The following FANCA variants were observed in gnomAD, a reference collection of about 807,000 sequenced individuals.
FANCA encodes the protein FA complementation group A, also known as Fanconi anemia group A protein.
In FANCA, 236 loss-of-function variants were observed where a neutral mutation model predicts 194.3. The observed-to-expected ratio is 1.21, with a 90% confidence interval of 1.09 to 1.35. FANCA has a LOEUF of 1.35. FANCA is among the 40% of genes most tolerant of loss of function. FANCA has a pLI of 0.00. For missense variants in FANCA, 2,628 were observed against 1,813.9 expected (o/e 1.45, Z -8.15); for synonymous variants, 1,014 against 715.8 (o/e 1.42, Z -6.65).
rs535123370 is a variant in FANCA, at chr16:89,782,366, G to A, written c.1626+493C>T. Among the ~76,000 whole-genome samples the A allele has an allele frequency of 3.3e-5, 5 of 151,968 alleles. No homozygotes were observed. In the South Asian group the frequency reaches 1.0e-3, roughly 32 times the overall value. On this transcript the variant is annotated intron_variant, in intron 17 of 42. Coordinates refer to ENST00000389301, the MANE Select transcript of FANCA (RefSeq NM_000135.4). ...CTCTATTAAAAATACAAAAAAATTAGCCAGGCGTGGTGGCGGCTCCTGTAG... is the reference window on the plus strand; with the variant it reads ...CTCTATTAAAAATACAAAAAAATTAACCAGGCGTGGTGGCGGCTCCTGTAG...
rs145218591 is a variant in FANCA at position 89,796,823 on chromosome 16, C to G, written c.894-805G>C. ...AGATCACAAGGTCAGGAGATCAAGA[C>G]TACCCTGGCTAACATGGTGAAACCC... On this transcript the variant is annotated intron_variant, in intron 10 of 42. Coordinates refer to ENST00000389301, the MANE Select transcript of FANCA (RefSeq NM_000135.4). 3.2e-3 allele frequency among the ~76,000 whole-genome samples: 484 copies of G among 151,832 alleles called. 5 individuals carry two copies. Among genetic ancestry groups the G allele is most frequent in the African/African-American group, 0.011 (444 of 41,372 alleles).
chr16:89,805,355 T>G lies in FANCA; in HGVS notation c.634A>C (p.Arg212=), dbSNP rs754839730. The G allele has an allele frequency of 1.7e-5, 28 of 1,613,860 alleles. No homozygotes were observed. The African/African-American group carries it at 3.6e-4, about 21-fold the overall frequency. The change falls in exon 7 of 43, where the codon AGG becomes CGG. Residue 212 remains arginine, a synonymous_variant. Coordinates refer to ENST00000389301, the MANE Select transcript of FANCA (RefSeq NM_000135.4). ...DMHAVGSWLF[R]NLCCLCEQME... ...TGTTCACAAAGGCAGCACAGATTCCTGAAGAGCCACGATCCCACAGCATGC... is the reference window on the plus strand; with the variant it reads ...TGTTCACAAAGGCAGCACAGATTCCGGAAGAGCCACGATCCCACAGCATGC...
intron 20 of FANCA, 112 bp from the exon 21 acceptor site, chr16:89,775,927 A>G: frequency 3.1e-6 from 2 of 640,158 alleles, no homozygotes; most frequent in Non-Finnish European, 5.3e-6. Context: ...AATAAATTAT[A>G]AATACTGTGT....
At position 89,792,489 on chromosome 16, in the gene FANCA, G is replaced by C; in HGVS notation, c.1065C>G (p.Leu355=). 1 of 1,613,426 alleles carries C rather than the reference G, an allele frequency of 6.2e-7. No homozygotes were observed. The highest frequency in any genetic ancestry group is 8.5e-7 in the Non-Finnish European group (1 of 1,180,000). Residue 355 remains leucine (L), a synonymous_variant, in exon 12 of 43, where the codon CTC becomes CTG. Transcript: ENST00000389301. ...CACTCACCCTGCGGTACAGTGAGGT[G>C]AGCAGAGGGTGTGTCCGCGCAAAGC... is the stretch of plus-strand genomic sequence containing the variant. ...EWSFARTHPL[L]TSLYRRLFVM...
chr16:89,816,055 AG>A (rs1268219424), intron 1 of FANCA, 69 bp from the exon 2 acceptor site: 1 of 1,203,026 alleles, frequency 8.3e-7, no homozygotes, highest in Non-Finnish European at 1.2e-6. Context: ...CCCGACGCGC[AG>A]GTGGACGCCG....
Position 89,737,967 on chromosome 16 carries a change from G to C in FANCA, c.*634C>G, listed in dbSNP as rs1311274808. 3 of 1,614,098 alleles carry C rather than the reference G, an allele frequency of 1.9e-6. No homozygotes were observed. The highest frequency in any genetic ancestry group is 2.5e-6 in the Non-Finnish European group (3 of 1,179,990). ...CCCTCGCACCTTCTTATCTGCCTCT[G>C]TCCCCCAGGTGTGAGGTCTGTGGGT... On this transcript the variant is annotated 3_prime_UTR_variant, in exon 43 of 43. Transcript: ENST00000389301.
chr16:89,769,009 G>A (rs1488401514), intron 26 of FANCA, among the ~76,000 whole-genome samples: 1 of 152,186 alleles, frequency 6.6e-6, no homozygotes, highest in Non-Finnish European at 1.5e-5. Flanking sequence ...CCGAGTGCCT[G>A]CTCCCCGAGG....
intron 31 of FANCA, among the ~76,000 whole-genome samples, chr16:89,751,066 T>C (rs2143152829): frequency 1.3e-5 from 2 of 152,276 alleles, no homozygotes; most frequent in Non-Finnish European, 2.9e-5. Flanking sequence ...TAGTGTTTTG[T>C]ATTTTTAGTA....
At chr16:89,741,811 A>G (rs1049256613) in intron 37 of FANCA, among the ~76,000 whole-genome samples, 6 of 152,202 alleles carry the variant, frequency 3.9e-5, no homozygotes, top group Non-Finnish European at 8.8e-5. Flanking sequence ...CCCTCAGCAC[A>G]TGAATCAAGG....
In FANCA at chr16:89,739,215, A is replaced by T. The variant is rs745688750; in HGVS notation, c.4085T>A (p.Leu1362Ter). The change falls in exon 41 of 43, where the codon TTG becomes TAG. Residue 1362 changes from leucine to a stop codon, truncating the protein, a stop_gained. Coordinates refer to ENST00000389301, the MANE Select transcript of FANCA (RefSeq NM_000135.4). LOFTEE classifies it high-confidence loss of function. ...AGCCACGAAGAGCTGGACCAGCTTC[A>T]AGTACATGTCCACAGCAACATGCAG... The part of the protein sequence containing the change: ...AFLHVAVDMY[L>*]KLVQLFVAGD... The T allele has an allele frequency of 3.7e-6, 6 of 1,614,152 alleles. No individual in the cohort carries two copies. The South Asian group carries it at 6.6e-5, about 18-fold the overall frequency.
chr16:89,779,072 C>T (rs55920531), intron 18 of FANCA, 69 bp from the exon 19 acceptor site: 32 of 1,491,554 alleles, frequency 2.1e-5, no homozygotes, highest in Middle Eastern at 4.7e-4. Context: ...AGACGGTGAC[C>T]GGTGTTTCAG....
At position 89,778,783 on chromosome 16, in the gene FANCA, C is replaced by A. The variant is rs745799031; in HGVS notation, c.1826+18G>T. 2 of 1,612,626 alleles carry A rather than the reference C, an allele frequency of 1.2e-6. No individual in the cohort carries two copies. Among genetic ancestry groups the A allele is most frequent in the Non-Finnish European group, 1.7e-6 (2 of 1,178,722 alleles). On this transcript the variant is annotated intron_variant, in intron 20 of 42. Coordinates refer to ENST00000389301, the MANE Select transcript of FANCA (RefSeq NM_000135.4). ...GAAACCTGGAAGTAGTCATCCCCTT[C>A]TAACCGTTGCTGCATACCTCTTCAG...
At chr16:89,790,053 G>A (rs1182820390) in intron 14 of FANCA, among the ~76,000 whole-genome samples, 1 of 152,200 alleles carries the variant, frequency 6.6e-6, no homozygotes, top group Non-Finnish European at 1.5e-5. Context: ...GAAAAAGGAA[G>A]AATATGTGAT....
chr16:89,780,089 G>A, intron 17 of FANCA, 132 bp from the exon 18 acceptor site: 2 of 829,960 alleles, frequency 2.4e-6, no homozygotes, highest in Non-Finnish European at 4.0e-6. Context: ...AGGCCCACAT[G>A]CTGTGCGCAC....
At chr16:89,769,212 G>A (rs957117955) in intron 26 of FANCA, among the ~76,000 whole-genome samples, 7 of 152,200 alleles carry the variant, frequency 4.6e-5, no homozygotes, top group African/African-American at 7.2e-5. Context: ...CTGCCCAAGA[G>A]ACCAGAAGCT....
At chr16:89,783,141 G>A (rs1396109139) in intron 15 of FANCA, 39 bp from the exon 16 acceptor site, 5 of 1,503,066 alleles carry the variant, frequency 3.3e-6, no homozygotes, top group Admixed American at 1.7e-5. Context: ...GTTAGTCTGG[G>A]AACTGCCTGG....
At chr16:89,789,223 T>C (rs1289071059) in intron 14 of FANCA, among the ~76,000 whole-genome samples, 1 of 151,694 alleles carries the variant, frequency 6.6e-6, no homozygotes, top group Non-Finnish European at 1.5e-5. Context: ...GAGTTGACAC[T>C]GACACTGCAC....
intron 21 of FANCA, 103 bp downstream of exon 21, chr16:89,775,639 G>A (rs967202359): frequency 1.6e-5 from 15 of 941,502 alleles, no homozygotes; most frequent in African/African-American, 3.3e-5. Flanking sequence ...AGCTGGCACA[G>A]CCACCCCCGA....
At chr16:89,790,698 C>G (rs2040040378) in intron 14 of FANCA, among the ~76,000 whole-genome samples, 1 of 151,744 alleles carries the variant, frequency 6.6e-6, no homozygotes. Context: ...GCTTTCTGTA[C>G]CACTGCACTC....
Sources: gnomAD v4.1 joint callset for allele counts (sites outside exome capture counted in the v4.1 genomes callset) on GRCh38, gnomAD v4.1.1 for gene constraint, MANE v1.5 for transcripts, NCBI Gene and HGNC (gene_info 2026-07-23, HGNC 2026-07-21) for gene names.